The following TLE4 variants were observed in gnomAD, a reference collection of about 807,000 sequenced individuals.
TLE4 encodes the protein TLE family member 4, transcriptional corepressor.
A neutral mutation model predicts 92.8 loss-of-function variants in TLE4; 8 were observed. The ratio of observed to expected loss-of-function variants is 0.09; its 90% CI spans 0.05 to 0.16. The LOEUF is 0.16. Ranked by LOEUF, TLE4 falls within the 10% of genes least tolerant of loss-of-function variation. The probability of loss-of-function intolerance (pLI) is 1.00; values close to 1 mark genes in which losing one functional copy is unlikely to be tolerated. For synonymous variants in TLE4, 371 were observed against 374.1 expected (o/e 0.99, Z 0.10); for missense variants, 675 against 997.6 (o/e 0.68, Z 4.36).
intron 2 of TLE4, 152 bp from the exon 3 acceptor site, chr9:79,574,721 C>A (rs1459873254): frequency 3.5e-6 from 2 of 568,742 alleles, no homozygotes; most frequent in Non-Finnish European, 6.1e-6. Context: ...TGGTTCCAAT[C>A]ACCCCTTTCC....
chr9:79,610,173 A>G (rs1192161981), intron 4 of TLE4, among the ~76,000 whole-genome samples: 1 of 152,086 alleles, frequency 6.6e-6, no homozygotes. Flanking sequence ...TTTTAATAGA[A>G]GCTGTGCCAA....
At chr9:79,695,297 A>T (rs1317275666) in intron 8 of TLE4, among the ~76,000 whole-genome samples, 1 of 151,914 alleles carries the variant, frequency 6.6e-6, no homozygotes, top group Non-Finnish European at 1.5e-5. Flanking sequence ...TACTTTCAAA[A>T]TTACTATTTT....
chr9:79,672,372 T>C (rs894566279), intron 8 of TLE4, among the ~76,000 whole-genome samples: 4 of 152,122 alleles, frequency 2.6e-5, no homozygotes, highest in Non-Finnish European at 5.9e-5. Flanking sequence ...GAGGGGCCCC[T>C]GAGCAGACAG....
At chr9:79,673,517 A>G (rs1461901935) in intron 8 of TLE4, among the ~76,000 whole-genome samples, 1 of 152,218 alleles carries the variant, frequency 6.6e-6, no homozygotes, top group Non-Finnish European at 1.5e-5. Flanking sequence ...CTTTGGAACT[A>G]TATGATTTTA....
rs538891653 is a variant in TLE4, at chr9:79,632,454, G to C, written c.390+5006G>C. On this transcript the variant is annotated intron_variant, in intron 6 of 19. Coordinates refer to ENST00000376552, the MANE Select transcript of TLE4 (RefSeq NM_007005.6). ...TCATTTCAAAATTACCTGCAGCCAA[G>C]CCCTCTCCCTCCACTTTCCCGGCAG... Among the ~76,000 whole-genome samples the C allele has an allele frequency of 2.6e-5, 4 of 152,190 alleles. No individual in the cohort carries two copies. The East Asian group carries it at 7.7e-4, about 29-fold the overall frequency.
chr9:79,595,543 G>A (rs2043744929), intron 4 of TLE4, among the ~76,000 whole-genome samples: 1 of 152,188 alleles, frequency 6.6e-6, no homozygotes, highest in African/African-American at 2.4e-5. Flanking sequence ...GTCAAAAGTT[G>A]TATCAGGTTA....
At chr9:79,636,060 C>A (rs576761610) in intron 6 of TLE4, among the ~76,000 whole-genome samples, 1 of 152,072 alleles carries the variant, frequency 6.6e-6, no homozygotes, top group Non-Finnish European at 1.5e-5. Flanking sequence ...GATAGGCTAC[C>A]ATGTTTCCGC....
chr9:79,631,605 T>G (rs13440432), intron 6 of TLE4, among the ~76,000 whole-genome samples: 15,774 of 146,226 alleles, frequency 0.11, 1,051 homozygotes, highest in African/African-American at 0.19. Context: ...TGTCATATGA[T>G]TGAACCTTAA....
intron 14 of TLE4, chr9:79,718,043 G>A (rs1372640027): frequency 2.2e-6 from 1 of 456,666 alleles, no homozygotes; most frequent in East Asian, 6.9e-5. Context: ...AAATGAACTG[G>A]AGATGGAACT....
chr9:79,625,014 C>T (rs372899678), intron 5 of TLE4, among the ~76,000 whole-genome samples: 24 of 79,930 alleles, frequency 3.0e-4, no homozygotes, highest in African/African-American at 5.8e-4. Flanking sequence ...TATTTCTTTT[C>T]TTTTTTTTTT....
intron 5 of TLE4, among the ~76,000 whole-genome samples, chr9:79,616,794 T>A (rs1327585239): frequency 1.3e-5 from 2 of 152,048 alleles, no homozygotes; most frequent in African/African-American, 4.8e-5. Flanking sequence ...GAGTCTAAGG[T>A]GGACCTAAAA....
intron 4 of TLE4, among the ~76,000 whole-genome samples, chr9:79,597,109 CT>C (rs773738311): frequency 2.6e-5 from 4 of 152,144 alleles, no homozygotes; most frequent in Non-Finnish European, 5.9e-5. Context: ...CCGTACTCCC[CT>C]GGTTGTCTAA....
chr9:79,632,349 A>G (rs76293199), intron 6 of TLE4, among the ~76,000 whole-genome samples: 2,899 of 152,292 alleles, frequency 0.019, 101 homozygotes, highest in African/African-American at 0.063. Flanking sequence ...CAGTAGTGAT[A>G]GGCTAGATAA....
chr9:79,601,322 C>G, intron 4 of TLE4: 1 of 448,656 alleles, frequency 2.2e-6, no homozygotes. Flanking sequence ...AGCAAGTTTT[C>G]TGGATAGATA....
rs545472338 is a variant in TLE4 at position 79,693,514 on chromosome 9, C to T, written c.610-11269C>T. 4 of 349,608 alleles carry T rather than the reference C, an allele frequency of 1.1e-5. No homozygotes were observed. In the East Asian group the frequency reaches 3.5e-4, roughly 30 times the overall value. 21.7% of individuals were successfully genotyped at this position (349,608 alleles called of 1,614,324 possible). ...GATCTTCTGCGTTTCAATTACTATA[C>T]CCTGGAAGTTTATAAACCATAAGAC... On this transcript the variant is annotated intron_variant, in intron 8 of 19. Transcript: ENST00000376552.
chr9:79,603,488 G>A (rs1397365622), intron 4 of TLE4, among the ~76,000 whole-genome samples: 1 of 152,096 alleles, frequency 6.6e-6, no homozygotes. Flanking sequence ...TAGCAATAAA[G>A]TATTTTTAAA....
intron 8 of TLE4, among the ~76,000 whole-genome samples, chr9:79,700,213 C>G (rs1306899823): frequency 1.3e-5 from 2 of 152,204 alleles, no homozygotes; most frequent in Non-Finnish European, 2.9e-5. Flanking sequence ...TGAGACTAAG[C>G]AACATCCCTT....
chr9:79,657,572 G>A (rs531628604), intron 8 of TLE4, among the ~76,000 whole-genome samples: 4 of 152,108 alleles, frequency 2.6e-5, no homozygotes, highest in Non-Finnish European at 5.9e-5. Context: ...ATTAAGAGGA[G>A]TCAGCTGCCC....
chr9:79,630,419 A>G (rs2053860526), intron 6 of TLE4, among the ~76,000 whole-genome samples: 1 of 152,190 alleles, frequency 6.6e-6, no homozygotes, highest in Non-Finnish European at 1.5e-5. Flanking sequence ...AATATCATTT[A>G]TCTTTTATTT....
Sources: gnomAD v4.1 joint callset for allele counts (sites outside exome capture counted in the v4.1 genomes callset) on GRCh38, gnomAD v4.1.1 for gene constraint, MANE v1.5 for transcripts, NCBI Gene and HGNC (gene_info 2026-07-23, HGNC 2026-07-21) for gene names.